Variants in SCN9A observed in about 807,000 individuals in gnomAD.
SCN9A encodes the protein sodium voltage-gated channel alpha subunit 9, also known as sodium channel protein type 9 subunit alpha.
A neutral mutation model predicts 187.0 loss-of-function variants in SCN9A; 131 were observed. The ratio of observed to expected loss-of-function variants is 0.70; its 90% CI spans 0.61 to 0.81. The LOEUF (loss-of-function observed/expected upper bound fraction) is 0.81. Among genes scored for constraint, SCN9A ranks in the 30% least tolerant of loss-of-function variants. The pLI is 0.00. For synonymous variants in SCN9A, 809 were observed against 808.6 expected (o/e 1.00, Z -0.01); for missense variants, 2,252 against 2,396.6 (o/e 0.94, Z 1.26).
rs1252277988 is a variant in SCN9A, at chr2:166,280,557, A to G, written c.2143T>C (p.Tyr715His). Residue 715 changes from tyrosine to histidine, a missense_variant, in exon 14 of 27, where the codon TAC becomes CAC. Physicochemically the swap from Tyr to His is moderately conservative, Grantham distance 83 (BLOSUM62 2). Coordinates refer to ENST00000642356, the MANE Select transcript of SCN9A (RefSeq NM_001365536.1). ...ATCAAGAATTTGTGTGCAAATCTGT[A>G]CCACCAAGGTGGACATTTTTGTCTG... ...ESRQKCPPWWYRFAHKFLIWN... is the reference protein window; with the variant it reads ...ESRQKCPPWWHRFAHKFLIWN... 15 of 1,589,128 alleles carry G rather than the reference A, an allele frequency of 9.4e-6. No individual in the cohort carries two copies. The highest frequency in any genetic ancestry group is 1.3e-5 in the Non-Finnish European group (15 of 1,165,714).
chr2:166,284,340 G>T (rs1559009812), intron 12 of SCN9A, 113 bp downstream of exon 12: 3 of 1,241,742 alleles, frequency 2.4e-6, no homozygotes, highest in Non-Finnish European at 3.4e-6. Flanking sequence ...TATAGAAAAA[G>T]TATTGCAAAA....
Position 166,370,217 on chromosome 2 carries a change from A to ATCATC in SCN9A, c.-51+5479_-51+5480insGATGA, listed in dbSNP as rs1553507690. Among the ~76,000 whole-genome samples the ATCATC allele has an allele frequency of 9.1e-3, 707 of 77,952 alleles. 6 individuals carry two copies. The highest frequency in any genetic ancestry group is 0.022 in the African/African-American group (409 of 18,368). 51.1% of individuals were successfully genotyped at this position (77,952 alleles called of 152,430 possible). A position where few individuals can be genotyped will look rare whatever the true frequency, so the allele number is the denominator to read the frequency against. ...AAATAATAATAATAATAATAATAAT[A>ATCATC]ATAATAATAATAATAATAATCATCA... On this transcript the variant is annotated intron_variant, in intron 1 of 26. Coordinates refer to ENST00000642356, the MANE Select transcript of SCN9A (RefSeq NM_001365536.1).
chr2:166,266,822 T>C (rs550851158), intron 17 of SCN9A, among the ~76,000 whole-genome samples: 1 of 151,946 alleles, frequency 6.6e-6, no homozygotes, highest in African/African-American at 2.4e-5. Flanking sequence ...TTGTAGCTAT[T>C]GTAAATGGGA....
intron 1 of SCN9A, among the ~76,000 whole-genome samples, chr2:166,363,917 G>A (rs957320051): frequency 6.6e-6 from 1 of 152,030 alleles, no homozygotes; most frequent in African/African-American, 2.4e-5. Flanking sequence ...TCCATATGAT[G>A]GGAGAAAATA....
chr2:166,360,236 G>T (rs201589695), intron 1 of SCN9A, among the ~76,000 whole-genome samples: 19 of 43,842 alleles, frequency 4.3e-4, no homozygotes, highest in Non-Finnish European at 7.9e-4. Context: ...AAAAAAAAAA[G>T]AAAAAAAAAA....
At chr2:166,329,905 T>G (rs1366083166) in intron 1 of SCN9A, among the ~76,000 whole-genome samples, 2 of 152,124 alleles carry the variant, frequency 1.3e-5, no homozygotes, top group Non-Finnish European at 2.9e-5. Flanking sequence ...GTCTCCTTCA[T>G]TTTTGGCTTT....
chr2:166,270,416 G>C (rs1027116501), intron 17 of SCN9A, among the ~76,000 whole-genome samples: 2 of 151,818 alleles, frequency 1.3e-5, no homozygotes, highest in African/African-American at 4.8e-5. Flanking sequence ...TTTAGTCTCT[G>C]TGGGGGGCCT....
chr2:166,256,880 G>C (rs7581840), intron 17 of SCN9A, among the ~76,000 whole-genome samples: 120,677 of 151,396 alleles, frequency 0.8, 48,656 homozygotes, highest in Non-Finnish European at 0.85. Context: ...CTTCTACCTA[G>C]GGCACTTTCT....
chr2:166,358,616 CT>C (rs1350893567), intron 1 of SCN9A, among the ~76,000 whole-genome samples: 6 of 151,826 alleles, frequency 4.0e-5, no homozygotes, highest in Non-Finnish European at 8.8e-5. Flanking sequence ...GTTTTTGTTT[CT>C]TTTGGTTTAT....
At chr2:166,206,969 T>C (rs545232596) in intron 24 of SCN9A, among the ~76,000 whole-genome samples, 243 of 152,228 alleles carry the variant, frequency 1.6e-3, no homozygotes, top group African/African-American at 5.2e-3. Flanking sequence ...AATATAACTT[T>C]TAAAATTCAA....
chr2:166,261,452 G>A (rs190887484), intron 17 of SCN9A, among the ~76,000 whole-genome samples: 549 of 151,842 alleles, frequency 3.6e-3, no homozygotes, highest in Non-Finnish European at 6.5e-3. Flanking sequence ...TCTCTACCTG[G>A]GTATTGGATA....
intron 18 of SCN9A, among the ~76,000 whole-genome samples, chr2:166,243,582 G>T (rs992075760): frequency 7.9e-5 from 12 of 151,792 alleles, no homozygotes; most frequent in African/African-American, 2.9e-4. Flanking sequence ...AAAGAGTTTG[G>T]GTGGAATTCC....
chr2:166,240,300 G>A (rs1479922740), intron 19 of SCN9A, among the ~76,000 whole-genome samples: 2 of 152,124 alleles, frequency 1.3e-5, no homozygotes, highest in Non-Finnish European at 2.9e-5. Context: ...GAGGGTACAT[G>A]TGAAGGTTTG....
Position 166,306,066 on chromosome 2 carries a change from C to T in SCN9A, c.468-146G>A, listed in dbSNP as rs1698745427. ...GTTATGGACACACCCTATTAAACTA[C>T]AATAGGTCTATCCAGAAAATATTAA... On this transcript the variant is annotated intron_variant, in intron 4 of 26. Transcript: ENST00000642356. The T allele has an allele frequency of 2.8e-5, 23 of 810,520 alleles. No homozygotes were observed. In the South Asian group the frequency reaches 2.9e-4, roughly 10 times the overall value. The allele number at this position is 810,520 out of a possible 1,614,324, so 50.2% of individuals were successfully genotyped here.
chr2:166,233,392 G>T lies in SCN9A; in HGVS notation c.3872C>A (p.Thr1291Lys). The T allele has an allele frequency of 6.3e-7, 1 of 1,581,790 alleles. No individual in the cohort carries two copies. The highest frequency in any genetic ancestry group is 8.6e-7 in the Non-Finnish European group (1 of 1,167,318). ...SDLGPIKSLR[T>K]LRALRPLRAL... ...TCTTAGAGGTCTTAAAGCTCTCAGT[G>T]TCCGAAGGGATTTAATGGGGCCAAG... Residue 1291 changes from threonine (T) to lysine (K), a missense_variant, in exon 21 of 27, where the codon ACA (threonine) becomes AAA (lysine). Around this residue, in one of 7 missense-constraint regions of SCN9A, gnomAD observed 368 missense variants for 408.6 expected, o/e 0.90. Transcript: ENST00000642356.
intron 1 of SCN9A, among the ~76,000 whole-genome samples, chr2:166,361,738 C>A (rs945778609): frequency 1.3e-5 from 2 of 151,986 alleles, no homozygotes; most frequent in Non-Finnish European, 2.9e-5. Context: ...TAGGACTGAG[C>A]AGAATTATGC....
At chr2:166,259,101 GTA>G (rs1696398982) in intron 17 of SCN9A, 1 of 151,690 alleles carries the variant, frequency 6.6e-6, no homozygotes, top group African/African-American at 2.4e-5. Flanking sequence ...TTGAACAACT[GTA>G]TATGTTTCTA....
intron 18 of SCN9A, chr2:166,248,197 A>G (rs1695877899): frequency 6.6e-6 from 1 of 152,094 alleles, no homozygotes; most frequent in South Asian, 2.1e-4. Context: ...CCTTTCAGGT[A>G]GCAGAGATCT....
chr2:166,283,134 A>G (rs552574320), intron 12 of SCN9A, among the ~76,000 whole-genome samples: 1 of 152,210 alleles, frequency 6.6e-6, no homozygotes, highest in South Asian at 2.1e-4. Context: ...TTCATTAAAA[A>G]TATGAAATAA....
Sources: gnomAD v4.1 joint callset for allele counts (sites outside exome capture counted in the v4.1 genomes callset) on GRCh38, gnomAD v4.1.1 for gene constraint, gnomAD v4.1.1 regional missense constraint, MANE v1.5 for transcripts, NCBI Gene and HGNC (gene_info 2026-07-23, HGNC 2026-07-21) for gene names.